Variants in PCDHGB3 observed in about 807,000 individuals in gnomAD.
PCDHGB3 encodes protocadherin gamma-B3.
PCDHGB3 carries 40 observed loss-of-function variants against 59.2 expected under a neutral mutation model. The ratio of observed to expected loss-of-function variants is 0.68; its 90% CI spans 0.52 to 0.88. The LOEUF (loss-of-function observed/expected upper bound fraction) is 0.88. Among genes scored for constraint, PCDHGB3 ranks in the 40% least tolerant of loss-of-function variants. PCDHGB3 has a pLI of 0.00. For synonymous variants in PCDHGB3, 581 were observed against 503.6 expected (o/e 1.15, Z -2.06); for missense variants, 1,309 against 1,187.9 (o/e 1.10, Z -1.50).
Position 141,511,429 on chromosome 5 carries a change from G to A in PCDHGB3, c.*256G>A, listed in dbSNP as rs1414641314. 1.3e-6 allele frequency: 1 copy of A among 769,620 alleles called. No individual in the cohort carries two copies. The highest frequency in any genetic ancestry group is 2.0e-6 in the Non-Finnish European group (1 of 505,154). The allele number at this position is 769,620 out of a possible 1,614,324, so 47.7% of individuals were successfully genotyped here. On this transcript the variant is annotated 3_prime_UTR_variant, in exon 4 of 4. Transcript: ENST00000576222. The stretch of plus-strand genomic sequence containing the variant: ...CTGCTGTACCCATGGGGGTAGTGGG[G>A]TTACTGTAGACACCAAGAACCATTT...
chr5:141,393,527 T>C, intron 1 of PCDHGB3: 2 of 1,613,990 alleles, frequency 1.2e-6, no homozygotes, highest in South Asian at 1.1e-5. Context: ...CAAATGACAA[T>C]GCCCCGGTTT....
intron 1 of PCDHGB3, chr5:141,407,996 T>G: frequency 1.1e-6 from 1 of 872,310 alleles, no homozygotes; most frequent in Middle Eastern, 3.6e-4. Flanking sequence ...GCCTCTGGCC[T>G]GGGATTCCCT....
At chr5:141,452,831 G>A (rs1184490491) in intron 1 of PCDHGB3, among the ~76,000 whole-genome samples, 1 of 152,104 alleles carries the variant, frequency 6.6e-6, no homozygotes, top group Non-Finnish European at 1.5e-5. Flanking sequence ...AAAATCACTT[G>A]GTCCAGCCCA....
intron 1 of PCDHGB3, among the ~76,000 whole-genome samples, chr5:141,472,542 GA>G (rs904556404): frequency 1.6e-4 from 23 of 147,144 alleles, no homozygotes; most frequent in African/African-American, 4.2e-4. Context: ...ACCATCTCAA[GA>G]AAAAAAAAAT....
At chr5:141,430,551 C>T (rs2097292247) in intron 1 of PCDHGB3, 2 of 406,412 alleles carry the variant, frequency 4.9e-6, no homozygotes, top group Admixed American at 4.1e-5. Context: ...CCGCTGTTCA[C>T]CAATCGGGGA....
At chr5:141,424,776 A>C (rs1406581367) in intron 1 of PCDHGB3, 2 of 152,154 alleles carry the variant, frequency 1.3e-5, no homozygotes, top group African/African-American at 4.8e-5. Context: ...CAAATAGTAC[A>C]TTCAGTTCTT....
intron 1 of PCDHGB3, chr5:141,441,857 ACGCCGC>A (rs2098279969): frequency 2.8e-6 from 1 of 352,664 alleles, no homozygotes; most frequent in Non-Finnish European, 5.6e-6. Flanking sequence ...ATGGTGCTGC[ACGCCGC>A]GGAGCCTGGC....
At chr5:141,450,829 A>ATT (rs373424450) in intron 1 of PCDHGB3, among the ~76,000 whole-genome samples, 8,685 of 135,030 alleles carry the variant, frequency 0.064, 328 homozygotes, top group South Asian at 0.088. Context: ...TATTATTATT[A>ATT]TTTTTTTTTT....
chr5:141,399,991 G>C, intron 1 of PCDHGB3: 1 of 1,612,422 alleles, frequency 6.2e-7, no homozygotes, highest in Non-Finnish European at 8.5e-7. Context: ...CACAGGAGAG[G>C]TGCGCACAGC....
At chr5:141,414,336 C>T (rs567878158) in intron 1 of PCDHGB3, 3 of 1,613,846 alleles carry the variant, frequency 1.9e-6, no homozygotes, top group East Asian at 2.2e-5. Flanking sequence ...GACAGGTAAC[C>T]TGTTCCATTT....
Position 141,506,991 on chromosome 5 carries a change from C to T in PCDHGB3, c.2563+1510C>T, listed in dbSNP as rs190455068. 3 of 152,366 alleles carry T rather than the reference C, an allele frequency of 2.0e-5. No homozygotes were observed. In the East Asian group the frequency reaches 5.8e-4, roughly 29 times the overall value. The allele number at this position is 152,366 out of a possible 1,614,324, so 9.4% of individuals were successfully genotyped here. A position where few individuals can be genotyped will look rare whatever the true frequency, so the allele number is the denominator to read the frequency against. The stretch of plus-strand genomic sequence containing the variant: ...TGCAAGGCAGGTCTGATTTCTCACA[C>T]TCGACAGATGAGAGAACCGAGAAGG... On this transcript the variant is annotated intron_variant, in intron 3 of 3. Coordinates refer to ENST00000576222, the MANE Select transcript of PCDHGB3 (RefSeq NM_018924.5).
At position 141,486,641 on chromosome 5, in the gene PCDHGB3, A is replaced by C; in HGVS notation, c.2416-8166A>C. On this transcript the variant is annotated intron_variant, in intron 1 of 3. Transcript: ENST00000576222. The surrounding 1 kb of genome is among the most constrained non-coding windows in gnomAD (Gnocchi z 5.0). ...CCCAGACTCTGGCTTGAATGCGCTTATCTCCTACTCACTCCTGGAGCCCAG... is the reference window on the plus strand; with the variant it reads ...CCCAGACTCTGGCTTGAATGCGCTTCTCTCCTACTCACTCCTGGAGCCCAG... 6.2e-7 allele frequency: 1 copy of C among 1,613,734 alleles called. No individual in the cohort carries two copies. The highest frequency in any genetic ancestry group is 1.6e-4 in the Middle Eastern group (1 of 6,062).
At chr5:141,399,653 TG>T in intron 1 of PCDHGB3, 1 of 1,613,606 alleles carries the variant, frequency 6.2e-7, no homozygotes, top group Non-Finnish European at 8.5e-7. Flanking sequence ...CAAAGTGGGG[TG>T]GTGTTCGCGC....
At chr5:141,381,763 A>G (rs1419623732) in intron 1 of PCDHGB3, among the ~76,000 whole-genome samples, 2 of 151,122 alleles carry the variant, frequency 1.3e-5, no homozygotes, top group Non-Finnish European at 2.9e-5. Context: ...CTACTACTAT[A>G]TAATCAATAA....
In PCDHGB3 at chr5:141,403,920, A is replaced by T. The variant is rs1470961343; in HGVS notation, c.2415+31111A>T. 8.1e-6 allele frequency: 13 copies of T among 1,613,904 alleles called. No homozygotes were observed. Among genetic ancestry groups the T allele is most frequent in the Non-Finnish European group, 1.1e-5 (13 of 1,179,882 alleles). On this transcript the variant is annotated intron_variant, in intron 1 of 3. Transcript: ENST00000576222. ...TATGAAATGGAAATACAAGCTGAAG[A>T]TGGTGGGGGATTGAAAGGGTGGACA...
intron 1 of PCDHGB3, chr5:141,390,423 C>T: frequency 9.4e-7 from 1 of 1,058,546 alleles, no homozygotes; most frequent in Non-Finnish European, 1.3e-6. Context: ...AGTTAAAAAG[C>T]TGTCATATCA....
intron 1 of PCDHGB3, chr5:141,383,863 C>T: frequency 6.2e-7 from 1 of 1,613,890 alleles, no homozygotes; most frequent in South Asian, 1.1e-5. Flanking sequence ...GGTTCAGGCT[C>T]AAGATGGTCC....
rs2099702455 is a variant in PCDHGB3, at chr5:141,490,641, G to C, written c.2416-4166G>C. 6.2e-7 allele frequency: 1 copy of C among 1,614,042 alleles called. No homozygotes were observed. Among genetic ancestry groups the C allele is most frequent in the Admixed American group, 1.7e-5 (1 of 60,004 alleles). On this transcript the variant is annotated intron_variant, in intron 1 of 3. Coordinates refer to ENST00000576222, the MANE Select transcript of PCDHGB3 (RefSeq NM_018924.5). The surrounding 1 kb of genome is among the most constrained non-coding windows in gnomAD (Gnocchi z 5.4). ...ACACTGCTTACATCCTAGAAAACCG[G>C]CCTCCGGGCTCCCTTCTTTGCACTG...
rs747049833 is a variant in PCDHGB3 at position 141,372,558 on chromosome 5, G to T, written c.2164G>T (p.Ala722Ser). 2.5e-6 allele frequency: 4 copies of T among 1,614,002 alleles called. No individual in the cohort carries two copies. In the South Asian group the frequency reaches 4.4e-5, roughly 18 times the overall value. ...SLRLRCSSRP[A>S]TEGYFQPGVC... ...GCGCCTGCGATGCTCCTCCAGACCC[G>T]CCACTGAGGGCTACTTTCAGCCTGG... The change falls in exon 1 of 4, where the codon GCC becomes TCC. Residue 722 changes from alanine (A) to serine (S), a missense_variant. Physicochemically the swap from Ala to Ser is moderately conservative, Grantham distance 99 (BLOSUM62 1). Transcript: ENST00000576222.
Sources: allele counts gnomAD v4.1 joint callset (sites outside exome capture counted in the v4.1 genomes callset), GRCh38; gene constraint gnomAD v4.1.1; non-coding constraint Gnocchi (gnomAD v3.1); transcripts MANE v1.5; gene names NCBI Gene and HGNC (gene_info 2026-07-23, HGNC 2026-07-21).